SAXO1: variants seen among roughly 807,000 people sequenced by gnomAD.
The protein encoded by SAXO1 is stabilizer of axonemal microtubules 1, also known as 4930500O09Rik.
Under a neutral mutation model 17.5 loss-of-function variants are expected in SAXO1, and 21 were observed. The observed-to-expected ratio is 1.20, with a 90% CI of 0.85 to 1.72. The LOEUF (loss-of-function observed/expected upper bound fraction) is 1.72, where lower values mean the gene tolerates loss of function less well. SAXO1 is among the 40% of genes most tolerant of loss of function. The probability of loss-of-function intolerance (pLI) is 0.00; values close to 1 mark genes in which losing one functional copy is unlikely to be tolerated. For missense variants in SAXO1, 843 were observed against 596.0 expected, an observed-to-expected ratio of 1.41 and a Z score of -4.32; for synonymous variants, 274 against 216.5, an observed-to-expected ratio of 1.27 and a Z score of -2.33.
At chr9:18,935,264 C>T (rs1831235346) in intron 3 of SAXO1, among the ~76,000 whole-genome samples, 1 of 152,182 alleles carries the variant, frequency 6.6e-6, no homozygotes, top group South Asian at 2.1e-4. Flanking sequence ...AATGATTGGT[C>T]AGAAGTTAAA....
chr9:18,975,097 G>A (rs561010091), intron 1 of SAXO1, among the ~76,000 whole-genome samples: 2 of 152,296 alleles, frequency 1.3e-5, no homozygotes, highest in African/African-American at 2.4e-5. Context: ...GGTGTTGAAG[G>A]ATGAGGCAGC....
At chr9:18,963,170 G>C (rs1175059883) in intron 1 of SAXO1, among the ~76,000 whole-genome samples, 1 of 152,024 alleles carries the variant, frequency 6.6e-6, no homozygotes, top group Non-Finnish European at 1.5e-5. Flanking sequence ...ATCTGTTTTG[G>C]TACGAGTACC....
chr9:18,929,313 A>G (rs1213738044), intron 3 of SAXO1, among the ~76,000 whole-genome samples: 1 of 152,246 alleles, frequency 6.6e-6, no homozygotes, highest in Non-Finnish European at 1.5e-5. Flanking sequence ...TAGAGGGTCC[A>G]TGGTCGTGAG....
At chr9:18,966,873 C>A (rs556004660) in intron 1 of SAXO1, among the ~76,000 whole-genome samples, 5 of 152,190 alleles carry the variant, frequency 3.3e-5, no homozygotes, top group African/African-American at 1.2e-4. Context: ...TCCTTACCTT[C>A]GTGGATTTAT....
chr9:18,947,706 C>G (rs925702070), intron 2 of SAXO1: 4 of 152,096 alleles, frequency 2.6e-5, no homozygotes, highest in African/African-American at 9.7e-5. Flanking sequence ...TCAGGTCTAT[C>G]TGAAGTAAAG....
At chr9:18,973,157 C>A (rs950520660) in intron 1 of SAXO1, among the ~76,000 whole-genome samples, 4 of 152,124 alleles carry the variant, frequency 2.6e-5, no homozygotes, top group Non-Finnish European at 5.9e-5. Context: ...CAAAATGAGT[C>A]AACAAAAATA....
chr9:19,029,120 T>G (rs1011192244), intron 1 of SAXO1, among the ~76,000 whole-genome samples: 3 of 152,180 alleles, frequency 2.0e-5, no homozygotes, highest in Non-Finnish European at 4.4e-5. Context: ...GGGCAGCTGC[T>G]CCTGCAGATG....
intron 3 of SAXO1, among the ~76,000 whole-genome samples, chr9:18,935,497 C>T (rs1204169637): frequency 6.6e-6 from 1 of 152,214 alleles, no homozygotes; most frequent in Non-Finnish European, 1.5e-5. Context: ...CTTGAGCCTG[C>T]ATGTAGCCTT....
At chr9:18,936,634 A>G (rs1353759432) in intron 3 of SAXO1, among the ~76,000 whole-genome samples, 2 of 152,234 alleles carry the variant, frequency 1.3e-5, no homozygotes, top group Non-Finnish European at 2.9e-5. Flanking sequence ...GGACCCTGAA[A>G]AACCTCAGAA....
chr9:19,027,799 C>A, intron 1 of SAXO1: 3 of 1,510,364 alleles, frequency 2.0e-6, no homozygotes, highest in South Asian at 1.2e-5. Flanking sequence ...GCTTCCAGCC[C>A]AACACCCAAG....
chr9:18,958,001 C>G (rs972609464), intron 1 of SAXO1, among the ~76,000 whole-genome samples: 1 of 152,172 alleles, frequency 6.6e-6, no homozygotes, highest in Non-Finnish European at 1.5e-5. Context: ...AATCTTGAGG[C>G]AAGATATCTC....
At chr9:18,959,596 C>T (rs962639917) in intron 1 of SAXO1, among the ~76,000 whole-genome samples, 13 of 152,034 alleles carry the variant, frequency 8.6e-5, no homozygotes, top group African/African-American at 3.1e-4. Flanking sequence ...TATGGTGAAA[C>T]CCCATCTCTA....
chr9:18,954,341 ATT>A (rs5896827), intron 1 of SAXO1, among the ~76,000 whole-genome samples: 1 of 147,988 alleles, frequency 6.8e-6, no homozygotes, highest in East Asian at 2.0e-4. Flanking sequence ...GAATCACAGA[ATT>A]TTTTTTTTTT....
chr9:18,978,723 T>C (rs138328319), intron 1 of SAXO1, among the ~76,000 whole-genome samples: 122 of 152,296 alleles, frequency 8.0e-4, no homozygotes, highest in African/African-American at 2.8e-3. Context: ...TCATCCCCAA[T>C]TTGCAAAATA....
At chr9:19,019,621 C>T (rs1012620320) in intron 1 of SAXO1, among the ~76,000 whole-genome samples, 1 of 151,916 alleles carries the variant, frequency 6.6e-6, no homozygotes, top group Admixed American at 6.6e-5. Flanking sequence ...CCCAGCTACT[C>T]GAGGGGCTAA....
chr9:18,983,000 C>A (rs1281189792), intron 1 of SAXO1, among the ~76,000 whole-genome samples: 1 of 151,948 alleles, frequency 6.6e-6, no homozygotes, highest in African/African-American at 2.4e-5. Context: ...TCAGGAAGGG[C>A]TTCAAACATG....
In SAXO1 at chr9:19,033,198, G is replaced by C. The variant is rs1835845181; in HGVS notation, c.-290C>G. ...TCCGCAGTCCAGACTTAAGCACCTGGAGCGGCTGACTGGGCCCCAGGAAGC... is the reference window on the plus strand; with the variant it reads ...TCCGCAGTCCAGACTTAAGCACCTGCAGCGGCTGACTGGGCCCCAGGAAGC... On this transcript the variant is annotated 5_prime_UTR_variant, in exon 1 of 4. Transcript: ENST00000380534. The C allele has an allele frequency of 2.8e-6, 1 of 355,530 alleles. No homozygotes were observed. The highest frequency in any genetic ancestry group is 5.0e-6 in the Non-Finnish European group (1 of 198,138). 22.0% of individuals were successfully genotyped at this position (355,530 alleles called of 1,614,324 possible). A position where few individuals can be genotyped will look rare whatever the true frequency, so the allele number is the denominator to read the frequency against.
intron 3 of SAXO1, among the ~76,000 whole-genome samples, chr9:18,933,622 T>C (rs1386643531): frequency 4.6e-5 from 7 of 152,222 alleles, no homozygotes; most frequent in African/African-American, 1.7e-4. Context: ...GTATTTTGCC[T>C]TCATTATTGA....
At chr9:18,938,817 C>T (rs138491902) in intron 3 of SAXO1, among the ~76,000 whole-genome samples, 21 of 63,412 alleles carry the variant, frequency 3.3e-4, no homozygotes, top group African/African-American at 8.6e-4. Context: ...TGCATGCGTG[C>T]GTGCGTGTGT....
Sources: allele counts gnomAD v4.1 joint callset (sites outside exome capture counted in the v4.1 genomes callset), GRCh38; gene constraint gnomAD v4.1.1; transcripts MANE v1.5; gene names NCBI Gene and HGNC (gene_info 2026-07-23, HGNC 2026-07-21).